The following ABCA12 variants were observed in gnomAD, a reference collection of about 807,000 sequenced individuals.
The protein encoded by ABCA12 is glucosylceramide transporter ABCA12.
Under a neutral mutation model 293.5 loss-of-function variants are expected in ABCA12, and 156 were observed. The observed-to-expected ratio is 0.53, with a 90% confidence interval of 0.47 to 0.61. The LOEUF is 0.61. Among genes scored for constraint, ABCA12 ranks in the 20% least tolerant of loss-of-function variants. The probability of loss-of-function intolerance (pLI) is 0.00; values close to 1 mark genes in which losing one functional copy is unlikely to be tolerated. For synonymous variants in ABCA12, 1,063 were observed against 1,108.0 expected (o/e 0.96, Z 0.81); for missense variants, 2,797 against 3,090.2 (o/e 0.91, Z 2.25).
At position 214,970,307 on chromosome 2, in the gene ABCA12, G is replaced by T; in HGVS notation, c.5656C>A (p.Leu1886Ile). ...ACAAACTCATTTGCAGTTGATATAA[G>T]ATAATTTTCCACTCGTTGCCCAGTG... is the stretch of plus-strand genomic sequence containing the variant. ...NLTGQRVENYLISTANEFVQK... is the reference protein window; with the variant it reads ...NLTGQRVENYIISTANEFVQK... Residue 1886 changes from leucine (L) to isoleucine (I), a missense_variant, in exon 37 of 53, where the codon CTT becomes ATT. Leu to Ile is a conservative substitution (Grantham distance 5). Transcript: ENST00000272895. 2 of 1,613,006 alleles carry T rather than the reference G, an allele frequency of 1.2e-6. No homozygotes were observed. The highest frequency in any genetic ancestry group is 1.7e-6 in the Non-Finnish European group (2 of 1,179,372).
At chr2:215,019,882 T>C (rs2106013932) in intron 11 of ABCA12, 86 bp from the exon 12 acceptor site, 3 of 1,518,334 alleles carry the variant, frequency 2.0e-6, no homozygotes, top group Non-Finnish European at 2.7e-6. Flanking sequence ...CCACAATTGA[T>C]TTCCTTTAAG....
At chr2:214,934,848 A>AAAAT (rs1698169357) in intron 51 of ABCA12, among the ~76,000 whole-genome samples, 1 of 152,140 alleles carries the variant, frequency 6.6e-6, no homozygotes, top group African/African-American at 2.4e-5. Flanking sequence ...TTTTTCCTCT[A>AAAAT]AAATACCTCT....
chr2:215,099,594 G>A (rs1465953502), intron 2 of ABCA12, among the ~76,000 whole-genome samples: 1 of 151,776 alleles, frequency 6.6e-6, no homozygotes, highest in Non-Finnish European at 1.5e-5. Context: ...TCGGGAGGCT[G>A]AGGCAGTAGG....
chr2:214,937,748 G>A, intron 50 of ABCA12, 133 bp from the exon 51 acceptor site: 1 of 685,836 alleles, frequency 1.5e-6, no homozygotes, highest in Non-Finnish European at 2.6e-6. Context: ...CTATCATTTT[G>A]CCATAAAAGT....
At chr2:214,997,899 T>G in intron 22 of ABCA12, 90 bp from the exon 23 acceptor site, 1 of 795,252 alleles carries the variant, frequency 1.3e-6, no homozygotes, top group Non-Finnish European at 2.2e-6. Flanking sequence ...TCACTCTCTC[T>G]TACATTGAAC....
intron 52 of ABCA12, 125 bp from the exon 53 acceptor site, chr2:214,932,866 G>T: frequency 1.4e-6 from 1 of 722,814 alleles, no homozygotes. Context: ...GTGTATGCAG[G>T]CCCCTATAAA....
chr2:215,032,033 A>G (rs967529047), intron 8 of ABCA12, 137 bp from the exon 9 acceptor site: 7 of 1,533,400 alleles, frequency 4.6e-6, no homozygotes, highest in Admixed American at 2.0e-5. Context: ...AAAGAATTGT[A>G]TAAAAGACAT....
intron 2 of ABCA12, among the ~76,000 whole-genome samples, chr2:215,077,563 A>T (rs539052708): frequency 5.9e-5 from 9 of 152,138 alleles, no homozygotes; most frequent in Non-Finnish European, 1.3e-4. Context: ...AAACTGTTCC[A>T]TTATATATTA....
rs1018535396 is a variant in ABCA12, at chr2:215,052,675, C to T, written c.410-91G>A. On this transcript the variant is annotated intron_variant, in intron 4 of 52. Coordinates refer to ENST00000272895, the MANE Select transcript of ABCA12 (RefSeq NM_173076.3). ...AGAATCCATAAACATCACTTGTGACCTCATATACCCTACAGCAAGGATGTG... is the reference window on the plus strand; with the variant it reads ...AGAATCCATAAACATCACTTGTGACTTCATATACCCTACAGCAAGGATGTG... 32 of 1,052,892 alleles carry T rather than the reference C, an allele frequency of 3.0e-5. No individual in the cohort carries two copies. The African/African-American group carries it at 4.9e-4, about 16-fold the overall frequency. 65.2% of individuals were successfully genotyped at this position (1,052,892 alleles called of 1,614,324 possible). A position where few individuals can be genotyped will look rare whatever the true frequency, so the allele number is the denominator to read the frequency against.
At chr2:215,036,929 C>T (rs1701006841) in intron 8 of ABCA12, 24 bp downstream of exon 8, 1 of 1,595,376 alleles carries the variant, frequency 6.3e-7, no homozygotes, top group Non-Finnish European at 8.6e-7. Context: ...CTGAATTTAA[C>T]ACAGTAAGAT....
In ABCA12 at chr2:214,987,787, T is replaced by A. The variant is rs767356346; in HGVS notation, c.3836A>T (p.Tyr1279Phe). 1 of 1,613,500 alleles carries A rather than the reference T, an allele frequency of 6.2e-7. No individual in the cohort carries two copies. The change falls in exon 27 of 53, where the codon TAC becomes TTC. Residue 1279 changes from tyrosine to phenylalanine, a missense_variant. Physicochemically the swap from Tyr to Phe is conservative, Grantham distance 22 (BLOSUM62 3). Transcript: ENST00000272895. ...AAAATACCAGGGAGCTGCCATACCGTATGTCCCTGGAATAAAAATATATCA... is the reference window on the plus strand; with the variant it reads ...AAAATACCAGGGAGCTGCCATACCGAATGTCCCTGGAATAAAAATATATCA... ...WYVRNVFPGTYGMAAPWYFPI... is the reference protein window; with the variant it reads ...WYVRNVFPGTFGMAAPWYFPI...
At chr2:214,954,689 A>G (rs1698888440) in intron 43 of ABCA12, among the ~76,000 whole-genome samples, 1 of 152,086 alleles carries the variant, frequency 6.6e-6, no homozygotes, top group South Asian at 2.1e-4. Flanking sequence ...TTTCTGTTCA[A>G]TTGCCTGACA....
At chr2:215,041,243 T>A (rs1701093932) in intron 7 of ABCA12, among the ~76,000 whole-genome samples, 2 of 152,002 alleles carry the variant, frequency 1.3e-5, no homozygotes, top group African/African-American at 4.8e-5. Flanking sequence ...AAATTGAAGA[T>A]AAAAAATTTA....
At chr2:215,138,072 G>T in intron 1 of ABCA12, 68 bp downstream of exon 1, 1 of 1,449,880 alleles carries the variant, frequency 6.9e-7, no homozygotes, top group Non-Finnish European at 9.7e-7. Flanking sequence ...TTCTCATTAA[G>T]ATCACATTTT....
chr2:214,975,793 G>C lies in ABCA12; in HGVS notation c.5373C>G (p.Ala1791=). The part of the protein sequence containing the change: ...PSLYGTSEQT[A]FYANYHPSTE... ...AACAGAAAGAAACTTACGCATAGAAGGCTGTCTGTTCGGAGGTACCATAAA... is the reference window on the plus strand; with the variant it reads ...AACAGAAAGAAACTTACGCATAGAACGCTGTCTGTTCGGAGGTACCATAAA... Residue 1791 remains alanine (A), a synonymous_variant, in exon 34 of 53, where the codon GCC becomes GCG. Transcript: ENST00000272895. 1 of 1,613,818 alleles carries C rather than the reference G, an allele frequency of 6.2e-7. No individual in the cohort carries two copies.
chr2:214,966,733 G>A (rs1699268365), intron 39 of ABCA12, 115 bp downstream of exon 39: 1 of 910,700 alleles, frequency 1.1e-6, no homozygotes, highest in Admixed American at 1.9e-5. Flanking sequence ...AAAGACCTGT[G>A]ATTTAGATAC....
intron 28 of ABCA12, among the ~76,000 whole-genome samples, chr2:214,984,094 C>CTTTTTTTTTTTTTTTTT (rs397987755): frequency 1.1e-5 from 1 of 92,952 alleles, no homozygotes; most frequent in Non-Finnish European, 1.9e-5. Context: ...ACGATCAGGC[C>CTTTTTTTTTTTTTTTTT]TTTTTTTTTT....
chr2:214,933,045 G>C (rs1461480731), intron 52 of ABCA12, among the ~76,000 whole-genome samples: 1 of 152,054 alleles, frequency 6.6e-6, no homozygotes, highest in Non-Finnish European at 1.5e-5. Flanking sequence ...CCACATTTCT[G>C]CATTCATATG....
intron 2 of ABCA12, among the ~76,000 whole-genome samples, chr2:215,087,733 G>A (rs1421177441): frequency 1.3e-5 from 2 of 152,104 alleles, no homozygotes; most frequent in East Asian, 3.9e-4. Context: ...CATGTGTTTT[G>A]AAGGATAAGT....
Sources: allele counts gnomAD v4.1 joint callset (sites outside exome capture counted in the v4.1 genomes callset), GRCh38; gene constraint gnomAD v4.1.1; transcripts MANE v1.5; gene names NCBI Gene and HGNC (gene_info 2026-07-23, HGNC 2026-07-21).